Variants in MMS22L observed in about 807,000 individuals in gnomAD.
The protein encoded by MMS22L is protein MMS22-like.
In MMS22L, 74 loss-of-function variants were observed where a neutral mutation model predicts 159.1. The observed-to-expected ratio is 0.47, with a 90% CI of 0.39 to 0.56. The LOEUF is 0.56. Ranked by LOEUF, MMS22L falls within the 20% of genes least tolerant of loss-of-function variation. The pLI, the probability that MMS22L is intolerant of heterozygous loss-of-function variation, is 0.00. For missense variants in MMS22L, 1,351 were observed against 1,422.1 expected (o/e 0.95, Z 0.80); for synonymous variants, 517 against 506.9 (o/e 1.02, Z -0.27).
chr6:97,220,921 A>G (rs7744511), intron 14 of MMS22L, among the ~76,000 whole-genome samples: 114,117 of 150,842 alleles, frequency 0.76, 44,170 homozygotes, highest in Middle Eastern at 0.84. Context: ...TATTATATTA[A>G]GAATGGGTAA....
rs1802856489 is a variant in MMS22L at position 97,165,357 on chromosome 6, G to A, written c.3110C>T (p.Ala1037Val). The A allele has an allele frequency of 1.2e-6, 2 of 1,613,346 alleles. No individual in the cohort carries two copies. Among genetic ancestry groups the A allele is most frequent in the Admixed American group, 1.7e-5 (1 of 59,868 alleles). ...IEQYIGRFLP[A>V]SPYVSDLGQH... is the part of the protein sequence containing the mutation. Reference sequence around the variant, plus strand: ...TCCAAGATCTGAAACATATGGTGAAGCTGGAAGAAATCGCCCAATATACTG... The same window carrying A: ...TCCAAGATCTGAAACATATGGTGAAACTGGAAGAAATCGCCCAATATACTG... The change falls in exon 21 of 25, where the codon GCT (alanine) becomes GTT (valine). Residue 1037 changes from alanine to valine, a missense_variant. Physicochemically the swap from Ala to Val is moderately conservative, Grantham distance 64 (BLOSUM62 0). Coordinates refer to ENST00000683635, the MANE Select transcript of MMS22L (RefSeq NM_001350599.2).
intron 9 of MMS22L, among the ~76,000 whole-genome samples, chr6:97,262,164 T>G (rs914215184): frequency 2.0e-5 from 3 of 152,172 alleles, no homozygotes; most frequent in Non-Finnish European, 4.4e-5. Flanking sequence ...CTTCTATTCT[T>G]GTACCCCTTA....
chr6:97,246,111 G>T (rs1303497533), intron 11 of MMS22L: 1 of 424,016 alleles, frequency 2.4e-6, no homozygotes, highest in East Asian at 7.5e-5. Context: ...ATTTTAAAAG[G>T]AGGTCAAGTC....
chr6:97,151,976 G>T, intron 22 of MMS22L, 109 bp from the exon 23 acceptor site: 2 of 750,664 alleles, frequency 2.7e-6, no homozygotes, highest in Non-Finnish European at 2.2e-6. Context: ...CTTAAAGTAT[G>T]TACATCCTTT....
At chr6:97,150,239 G>GCT (rs1801186935) in intron 23 of MMS22L, among the ~76,000 whole-genome samples, 1 of 152,100 alleles carries the variant, frequency 6.6e-6, no homozygotes, top group African/African-American at 2.4e-5. Flanking sequence ...AAGCACTGTG[G>GCT]GGAGGAGCAG....
chr6:97,267,685 C>G (rs1322253088), intron 8 of MMS22L, 187 bp downstream of exon 8: 6 of 379,964 alleles, frequency 1.6e-5, no homozygotes, highest in Non-Finnish European at 2.6e-5. Context: ...TCTAAAATAC[C>G]AATTCCAGCC....
In MMS22L at chr6:97,246,616, T is replaced by A; in HGVS notation, c.1182+12A>T. On this transcript the variant is annotated intron_variant, in intron 11 of 24. Transcript: ENST00000683635. ...AGCAAAATCCACAAACTGTCTTACTTTAATTGCATACCTGAACACTGATGG... is the reference window on the plus strand; with the variant it reads ...AGCAAAATCCACAAACTGTCTTACTATAATTGCATACCTGAACACTGATGG... The A allele has an allele frequency of 6.3e-7, 1 of 1,599,158 alleles. No homozygotes were observed. The highest frequency in any genetic ancestry group is 8.5e-7 in the Non-Finnish European group (1 of 1,173,732).
rs187109729 is a variant in MMS22L at position 97,277,283 on chromosome 6, T to A, written c.340+1566A>T. On this transcript the variant is annotated intron_variant, in intron 4 of 24. Coordinates refer to ENST00000683635, the MANE Select transcript of MMS22L (RefSeq NM_001350599.2). ...CAAAAATTATCCAGGTGTGGTGGTG[T>A]GCGCCTGTAATCCCAGCTACTCAGG... Among the ~76,000 whole-genome samples, 702 of 151,958 alleles carry A rather than the reference T, an allele frequency of 4.6e-3. 2 individuals carry two copies. Among genetic ancestry groups the A allele is most frequent in the African/African-American group, 0.016 (664 of 41,438 alleles).
rs868437787 is a variant in MMS22L, at chr6:97,151,875, G to A, written c.3386-8C>T. Reference sequence around the variant, plus strand: ...CTGTGGCCAGCCTTTTAACTAGAAGGAAAAATTACAGCATTAGGCACTGTG... The same window carrying A: ...CTGTGGCCAGCCTTTTAACTAGAAGAAAAAATTACAGCATTAGGCACTGTG... On this transcript the variant is annotated splice_polypyrimidine_tract_variant and splice_region_variant and intron_variant, in intron 22 of 24. Transcript: ENST00000683635. The A allele has an allele frequency of 6.2e-7, 1 of 1,609,966 alleles. No homozygotes were observed. Among genetic ancestry groups the A allele is most frequent in the Non-Finnish European group, 8.5e-7 (1 of 1,176,682 alleles).
chr6:97,149,914 G>A lies in MMS22L; in HGVS notation c.3589C>T (p.Leu1197Phe). The change falls in exon 24 of 25, where the codon CTT becomes TTT. Residue 1197 changes from leucine to phenylalanine, a missense_variant. Coordinates refer to ENST00000683635, the MANE Select transcript of MMS22L (RefSeq NM_001350599.2). ...QQVVIHLIST[L>F]TQSLKDSEQK... Reference sequence around the variant, plus strand: ...TCTGAATCCTTCAGAGACTGAGTAAGGGTAGAAATCAAGTGGATGACAACC... The same window carrying A: ...TCTGAATCCTTCAGAGACTGAGTAAAGGTAGAAATCAAGTGGATGACAACC... The A allele has an allele frequency of 1.2e-6, 2 of 1,613,676 alleles. No individual in the cohort carries two copies. Among genetic ancestry groups the A allele is most frequent in the Non-Finnish European group, 1.7e-6 (2 of 1,179,744 alleles).
At chr6:97,183,871 C>T (rs904609039) in intron 15 of MMS22L, among the ~76,000 whole-genome samples, 15 of 152,300 alleles carry the variant, frequency 9.8e-5, no homozygotes, top group Middle Eastern at 3.4e-3. Flanking sequence ...TTTAAATATA[C>T]TGAAATGTCT....
chr6:97,246,576 G>A lies in MMS22L; in HGVS notation c.1182+52C>T, dbSNP rs1812664252. On this transcript the variant is annotated intron_variant, in intron 11 of 24. Coordinates refer to ENST00000683635, the MANE Select transcript of MMS22L (RefSeq NM_001350599.2). ...TTGCTTGGTTTTAAAAATAAAATTT[G>A]TAACATAAAAATTAAGCAAAATCCA... is the stretch of plus-strand genomic sequence containing the variant. 5.6e-6 allele frequency: 8 copies of A among 1,426,998 alleles called. No homozygotes were observed. In the East Asian group the frequency reaches 1.9e-4, roughly 34 times the overall value. 88.4% of individuals were successfully genotyped at this position (1,426,998 alleles called of 1,614,324 possible). A position where few individuals can be genotyped will look rare whatever the true frequency, so the allele number is the denominator to read the frequency against.
At chr6:97,196,994 A>G (rs1806593589) in intron 14 of MMS22L, among the ~76,000 whole-genome samples, 1 of 152,182 alleles carries the variant, frequency 6.6e-6, no homozygotes, top group Non-Finnish European at 1.5e-5. Flanking sequence ...GCTGACCCAT[A>G]AGCATCAGCT....
chr6:97,209,030 C>A (rs1038951033), intron 14 of MMS22L, among the ~76,000 whole-genome samples: 1 of 151,968 alleles, frequency 6.6e-6, no homozygotes, highest in African/African-American at 2.4e-5. Context: ...CTCTCCCTAC[C>A]CCTCCTCCTT....
intron 9 of MMS22L, among the ~76,000 whole-genome samples, chr6:97,256,003 A>G (rs562157515): frequency 1.3e-5 from 2 of 152,148 alleles, no homozygotes; most frequent in East Asian, 3.9e-4. Flanking sequence ...TATCCTGACA[A>G]TATGTCTTTT....
chr6:97,228,497 T>C (rs567833769), intron 14 of MMS22L, among the ~76,000 whole-genome samples: 1 of 152,298 alleles, frequency 6.6e-6, no homozygotes, highest in South Asian at 2.1e-4. Flanking sequence ...TGGGTTGCAG[T>C]CAAAACTTTG....
intron 9 of MMS22L, chr6:97,260,995 T>G (rs956961598): frequency 2.0e-5 from 3 of 152,184 alleles, no homozygotes; most frequent in Non-Finnish European, 4.4e-5. Flanking sequence ...ATGATTCATT[T>G]TTGCCTTCTA....
chr6:97,202,503 G>A (rs1170899818), intron 14 of MMS22L, among the ~76,000 whole-genome samples: 1 of 152,138 alleles, frequency 6.6e-6, no homozygotes, highest in Non-Finnish European at 1.5e-5. Context: ...GGGTTCCTGA[G>A]CTATTACCTT....
intron 24 of MMS22L, among the ~76,000 whole-genome samples, chr6:97,149,193 C>T (rs567633750): frequency 6.6e-6 from 1 of 152,038 alleles, no homozygotes; most frequent in Non-Finnish European, 1.5e-5. Flanking sequence ...TTATCCCTGT[C>T]GTTAAGCAAC....
Sources: gnomAD v4.1 joint callset for allele counts (sites outside exome capture counted in the v4.1 genomes callset) on GRCh38, gnomAD v4.1.1 for gene constraint, MANE v1.5 for transcripts, NCBI Gene and HGNC (gene_info 2026-07-23, HGNC 2026-07-21) for gene names.